Variants in MRPS27 observed in about 807,000 individuals in gnomAD.
The protein encoded by MRPS27 is small ribosomal subunit protein mS27.
MRPS27 carries 43 observed loss-of-function variants against 48.9 expected under a neutral mutation model. The ratio of observed to expected loss-of-function variants is 0.88; its 90% CI spans 0.69 to 1.13. MRPS27 has a LOEUF of 1.13. Ranked by LOEUF, MRPS27 falls within the 50% of genes most tolerant of loss-of-function variation. The pLI is 0.00. For synonymous variants in MRPS27, 188 were observed against 171.9 expected, an observed-to-expected ratio of 1.09 and a Z score of -0.73; for missense variants, 467 against 476.3, an observed-to-expected ratio of 0.98 and a Z score of 0.18.
rs149201345 is a variant in MRPS27 at position 72,259,573 on chromosome 5, T to C, written c.282-21445A>G. On this transcript the variant is annotated intron_variant, in intron 4 of 10. Transcript: ENST00000261413. ...GAAACTATCTTTTCTGAAACAAATA[T>C]GGTAATTTTCATATAAATTAATGAT... 2.7e-3 allele frequency among the ~76,000 whole-genome samples: 413 copies of C among 152,224 alleles called. 1 individual carries two copies. The highest frequency in any genetic ancestry group is 0.014 in the Middle Eastern group (4 of 294).
intron 2 of MRPS27, among the ~76,000 whole-genome samples, chr5:72,307,519 C>T (rs1368990231): frequency 1.3e-5 from 2 of 152,104 alleles, no homozygotes; most frequent in African/African-American, 4.8e-5. Context: ...TGACTTACTG[C>T]CTGGGATCTC....
chr5:72,307,296 G>A (rs1050352176), intron 2 of MRPS27, among the ~76,000 whole-genome samples: 2 of 152,210 alleles, frequency 1.3e-5, no homozygotes, highest in African/African-American at 2.4e-5. Flanking sequence ...AGGTTTAAGC[G>A]AGCTGAGATC....
At chr5:72,306,972 C>T (rs1750286190) in intron 2 of MRPS27, among the ~76,000 whole-genome samples, 1 of 151,974 alleles carries the variant, frequency 6.6e-6, no homozygotes, top group Non-Finnish European at 1.5e-5. Flanking sequence ...AAAGAGTTAA[C>T]GGGGGCACAT....
At chr5:72,235,014 A>C (rs1405165014) in intron 5 of MRPS27, among the ~76,000 whole-genome samples, 1 of 152,130 alleles carries the variant, frequency 6.6e-6, no homozygotes, top group Admixed American at 6.6e-5. Context: ...GAATTTTTCC[A>C]AACTATATCC....
At chr5:72,223,193 C>T (rs1224323267) in intron 10 of MRPS27, among the ~76,000 whole-genome samples, 1 of 152,184 alleles carries the variant, frequency 6.6e-6, no homozygotes, top group Non-Finnish European at 1.5e-5. Flanking sequence ...CTGTTTACAG[C>T]TTCTATGCAG....
intron 4 of MRPS27, among the ~76,000 whole-genome samples, chr5:72,282,200 A>G (rs1215852620): frequency 6.6e-6 from 1 of 152,212 alleles, no homozygotes; most frequent in East Asian, 1.9e-4. Context: ...CTAGACACAC[A>G]GCATCTGGAA....
chr5:72,242,062 T>C (rs1748366324), intron 4 of MRPS27, among the ~76,000 whole-genome samples: 2 of 152,166 alleles, frequency 1.3e-5, no homozygotes, highest in Admixed American at 1.3e-4. Context: ...TGGAGGAGCA[T>C]AAGAAAGAGT....
At chr5:72,270,904 A>G (rs2047587) in intron 4 of MRPS27, among the ~76,000 whole-genome samples, 8,516 of 152,242 alleles carry the variant, frequency 0.056, 767 homozygotes, top group African/African-American at 0.19. Flanking sequence ...AATTGTCTAT[A>G]TTTGTAGAAA....
chr5:72,241,598 T>G, intron 4 of MRPS27: 1 of 1,504,104 alleles, frequency 6.6e-7, no homozygotes, highest in Non-Finnish European at 8.9e-7. Flanking sequence ...ACTTTTCAAC[T>G]TCCAGTAGTA....
chr5:72,300,297 T>C (rs923130654), intron 2 of MRPS27, among the ~76,000 whole-genome samples: 9 of 152,234 alleles, frequency 5.9e-5, no homozygotes, highest in Admixed American at 5.9e-4. Context: ...TTCTAAACAT[T>C]GGAGTGCCTC....
intron 4 of MRPS27, among the ~76,000 whole-genome samples, chr5:72,279,102 C>A (rs1749464383): frequency 1.3e-5 from 2 of 152,192 alleles, no homozygotes; most frequent in African/African-American, 4.8e-5. Context: ...TTTAAACTCC[C>A]ACTAGTAGTG....
intron 4 of MRPS27, among the ~76,000 whole-genome samples, chr5:72,251,615 G>C (rs1419014624): frequency 1.3e-5 from 2 of 152,306 alleles, no homozygotes; most frequent in South Asian, 4.1e-4. Context: ...CTTTGTGTCA[G>C]CTCAGTGCCC....
intron 4 of MRPS27, among the ~76,000 whole-genome samples, chr5:72,256,603 C>A (rs1251923495): frequency 6.6e-6 from 1 of 152,218 alleles, no homozygotes; most frequent in Admixed American, 6.5e-5. Context: ...TATCCAAAGT[C>A]ACTTTAAAAC....
At chr5:72,285,422 G>C (rs1164354897) in intron 4 of MRPS27, among the ~76,000 whole-genome samples, 1 of 152,176 alleles carries the variant, frequency 6.6e-6, no homozygotes. Flanking sequence ...CATAAATTCA[G>C]TAAATTTATC....
At chr5:72,225,247 C>T (rs1399695853) in intron 9 of MRPS27, among the ~76,000 whole-genome samples, 1 of 152,126 alleles carries the variant, frequency 6.6e-6, no homozygotes, top group Non-Finnish European at 1.5e-5. Flanking sequence ...GGACAGACAC[C>T]AGACCTGACC....
chr5:72,272,078 T>A (rs11749445), intron 4 of MRPS27, among the ~76,000 whole-genome samples: 1 of 151,852 alleles, frequency 6.6e-6, no homozygotes, highest in Non-Finnish European at 1.5e-5. Flanking sequence ...AACACTGGGA[T>A]TCCCCCCCCA....
intron 2 of MRPS27, among the ~76,000 whole-genome samples, chr5:72,308,215 AC>A (rs1750331399): frequency 6.6e-6 from 1 of 152,174 alleles, no homozygotes; most frequent in African/African-American, 2.4e-5. Flanking sequence ...AGCCACGAGG[AC>A]GAAGAGAGGG....
intron 1 of MRPS27, among the ~76,000 whole-genome samples, chr5:72,318,051 T>C (rs1373278553): frequency 6.6e-6 from 1 of 152,210 alleles, no homozygotes; most frequent in African/African-American, 2.4e-5. Context: ...CAAAAAATGC[T>C]AAAAATCTCC....
chr5:72,276,741 T>C (rs1220754353), intron 4 of MRPS27, among the ~76,000 whole-genome samples: 1 of 149,462 alleles, frequency 6.7e-6, no homozygotes, highest in Non-Finnish European at 1.5e-5. Context: ...CACTAAAAAG[T>C]GAGCAAAGCG....
Sources: gnomAD v4.1 joint callset for allele counts (sites outside exome capture counted in the v4.1 genomes callset) on GRCh38, gnomAD v4.1.1 for gene constraint, MANE v1.5 for transcripts, NCBI Gene and HGNC (gene_info 2026-07-23, HGNC 2026-07-21) for gene names.